The following ST6GALNAC5 variants were observed in gnomAD, a reference collection of about 807,000 sequenced individuals.
ST6GALNAC5 encodes the protein ST6 N-acetylgalactosaminide alpha-2,6-sialyltransferase 5.
A neutral mutation model predicts 33.6 loss-of-function variants in ST6GALNAC5; 27 were observed. The ratio of observed to expected loss-of-function variants is 0.80; its 90% CI spans 0.59 to 1.11. The LOEUF is 1.11. Ranked by LOEUF, ST6GALNAC5 falls within the 50% of genes least tolerant of loss-of-function variation. The pLI is 0.00. For synonymous variants in ST6GALNAC5, 194 were observed against 171.2 expected (o/e 1.13, Z -1.04); for missense variants, 428 against 454.0 (o/e 0.94, Z 0.52).
At chr1:76,991,340 A>G (rs17499489) in intron 2 of ST6GALNAC5, among the ~76,000 whole-genome samples, 57 of 152,322 alleles carry the variant, frequency 3.7e-4, no homozygotes, top group African/African-American at 1.2e-3. Flanking sequence ...CCATATATCA[A>G]TTACAAGGTG....
chr1:76,936,580 A>G (rs188488545), intron 2 of ST6GALNAC5, among the ~76,000 whole-genome samples: 57 of 152,206 alleles, frequency 3.7e-4, no homozygotes, highest in African/African-American at 1.3e-3. Context: ...TTGAGATTTT[A>G]TACACATGTG....
At chr1:76,964,431 C>T (rs555940322) in intron 2 of ST6GALNAC5, among the ~76,000 whole-genome samples, 2 of 152,066 alleles carry the variant, frequency 1.3e-5, no homozygotes, top group Non-Finnish European at 2.9e-5. Flanking sequence ...TAAATGGCCC[C>T]TTTTCAACCT....
At chr1:76,897,437 AGGCTTTAAAAG>A (rs1411477295) in intron 2 of ST6GALNAC5, among the ~76,000 whole-genome samples, 1 of 152,210 alleles carries the variant, frequency 6.6e-6, no homozygotes, top group African/African-American at 2.4e-5. Flanking sequence ...GAGAGTTTAT[AGGCTTTAAAAG>A]GCCATGCTGT....
intron 2 of ST6GALNAC5, among the ~76,000 whole-genome samples, chr1:76,876,104 C>T (rs954546763): frequency 6.6e-6 from 1 of 152,210 alleles, no homozygotes; most frequent in Non-Finnish European, 1.5e-5. Flanking sequence ...TAGGCAAACA[C>T]GTATCTGGAG....
At chr1:76,938,203 T>G (rs1034024590) in intron 2 of ST6GALNAC5, among the ~76,000 whole-genome samples, 2 of 152,056 alleles carry the variant, frequency 1.3e-5, no homozygotes, top group African/African-American at 4.8e-5. Flanking sequence ...GAAAAGTTTT[T>G]GCATGGTGTG....
intron 2 of ST6GALNAC5, among the ~76,000 whole-genome samples, chr1:76,903,904 G>A (rs1646840703): frequency 6.6e-6 from 1 of 152,254 alleles, no homozygotes; most frequent in South Asian, 2.1e-4. Flanking sequence ...GATTGCTCAG[G>A]GCTGGGGGTG....
intron 2 of ST6GALNAC5, among the ~76,000 whole-genome samples, chr1:76,972,724 G>T (rs575924744): frequency 6.6e-6 from 1 of 152,102 alleles, no homozygotes; most frequent in African/African-American, 2.4e-5. Context: ...AGGTGCATCT[G>T]TCATCTTGAT....
At chr1:76,966,017 G>A (rs1339054702) in intron 2 of ST6GALNAC5, among the ~76,000 whole-genome samples, 1 of 152,188 alleles carries the variant, frequency 6.6e-6, no homozygotes, top group Non-Finnish European at 1.5e-5. Flanking sequence ...TAGCCTTGTA[G>A]TAGAGTTTGA....
At chr1:77,007,608 C>G (rs990157588) in intron 2 of ST6GALNAC5, among the ~76,000 whole-genome samples, 1 of 152,196 alleles carries the variant, frequency 6.6e-6, no homozygotes, top group African/African-American at 2.4e-5. Flanking sequence ...CTATTCTTCA[C>G]CACTATGTGC....
intron 2 of ST6GALNAC5, among the ~76,000 whole-genome samples, chr1:76,923,880 A>G (rs1261262131): frequency 1.3e-5 from 2 of 152,272 alleles, no homozygotes; most frequent in South Asian, 2.1e-4. Flanking sequence ...GAAACTATAA[A>G]CTATCAGCTC....
At chr1:76,964,757 C>T (rs1433981443) in intron 2 of ST6GALNAC5, among the ~76,000 whole-genome samples, 1 of 152,096 alleles carries the variant, frequency 6.6e-6, no homozygotes, top group African/African-American at 2.4e-5. Context: ...ATCCCTCCCC[C>T]TGACCCCACC....
At chr1:76,961,999 GA>G (rs1475088191) in intron 2 of ST6GALNAC5, among the ~76,000 whole-genome samples, 1 of 152,172 alleles carries the variant, frequency 6.6e-6, no homozygotes, top group East Asian at 1.9e-4. Flanking sequence ...ATGCATGAAT[GA>G]AGTGATTAAT....
At chr1:76,872,106 CACACACACACACCA>C (rs902304663) in intron 2 of ST6GALNAC5, among the ~76,000 whole-genome samples, 7 of 137,490 alleles carry the variant, frequency 5.1e-5, no homozygotes, top group African/African-American at 2.2e-4. Context: ...CACACACACA[CACACACACACACCA>C]CACACATTAA....
At chr1:76,972,390 C>T (rs1648799205) in intron 2 of ST6GALNAC5, among the ~76,000 whole-genome samples, 1 of 152,104 alleles carries the variant, frequency 6.6e-6, no homozygotes, top group Admixed American at 6.6e-5. Flanking sequence ...GGGACACAGC[C>T]AAACCATTTC....
intron 2 of ST6GALNAC5, among the ~76,000 whole-genome samples, chr1:77,018,741 G>C (rs1463609534): frequency 6.6e-6 from 1 of 152,204 alleles, no homozygotes; most frequent in African/African-American, 2.4e-5. Flanking sequence ...CACAAGTTTT[G>C]AGGATTAGTG....
At chr1:76,982,750 G>T (rs779208119) in intron 2 of ST6GALNAC5, among the ~76,000 whole-genome samples, 1 of 152,078 alleles carries the variant, frequency 6.6e-6, no homozygotes, top group African/African-American at 2.4e-5. Flanking sequence ...AAAGTATAAG[G>T]GCAGCCAGAA....
At chr1:76,914,983 A>G (rs1238128436) in intron 2 of ST6GALNAC5, among the ~76,000 whole-genome samples, 50 of 151,014 alleles carry the variant, frequency 3.3e-4, no homozygotes, top group Non-Finnish European at 5.8e-4. Context: ...ATGAACTCAA[A>G]CAAATTTACA....
In ST6GALNAC5 at chr1:77,004,690, T is replaced by A. The variant is rs2100415817; in HGVS notation, c.262-39514T>A. Among the ~76,000 whole-genome samples the A allele has an allele frequency of 2.6e-5, 3 of 117,202 alleles. No individual in the cohort carries two copies. The Middle Eastern group carries it at 0.012, about 484-fold the overall frequency. The allele number at this position is 117,202 out of a possible 152,430, so 76.9% of individuals were successfully genotyped here. On this transcript the variant is annotated intron_variant, in intron 2 of 4. Transcript: ENST00000477717. ...TTTTGGTGTGGATGTCCTTTCTGTT[T>A]GTTAGTTTTCCTTCTAACAGACAGG...
In ST6GALNAC5 at chr1:77,066,182, C is replaced by A. The variant is rs1010075929; in HGVS notation, c.*2976C>A. Among the ~76,000 whole-genome samples, 3 of 151,974 alleles carry A rather than the reference C, an allele frequency of 2.0e-5. No individual in the cohort carries two copies. The highest frequency in any genetic ancestry group is 4.4e-5 in the Non-Finnish European group (3 of 68,016). On this transcript the variant is annotated 3_prime_UTR_variant, in exon 5 of 5. Coordinates refer to ENST00000477717, the MANE Select transcript of ST6GALNAC5 (RefSeq NM_030965.3). ...GCTTTGCTAACCCTGGTGTGTACTC[C>A]TAAGGGCTACACATAAAACCTGAGC...
Sources: gnomAD v4.1 joint callset for allele counts (sites outside exome capture counted in the v4.1 genomes callset) on GRCh38, gnomAD v4.1.1 for gene constraint, MANE v1.5 for transcripts, NCBI Gene and HGNC (gene_info 2026-07-23, HGNC 2026-07-21) for gene names.